The following DNAH7 variants were observed in gnomAD, a reference collection of about 807,000 sequenced individuals.
DNAH7 encodes the protein axonemal beta dynein heavy chain 7.
Under a neutral mutation model 444.6 loss-of-function variants are expected in DNAH7, and 397 were observed. The ratio of observed to expected loss-of-function variants is 0.89; its 90% CI spans 0.82 to 0.97. The LOEUF is 0.97. Among genes scored for constraint, DNAH7 ranks in the 50% least tolerant of loss-of-function variants. The pLI, the probability that DNAH7 is intolerant of heterozygous loss-of-function variation, is 0.00. For missense variants in DNAH7, 4,902 were observed against 4,800.8 expected, an observed-to-expected ratio of 1.02 and a Z score of -0.62; for synonymous variants, 1,636 against 1,624.4, an observed-to-expected ratio of 1.01 and a Z score of -0.17.
chr2:196,032,175 C>T (rs1037957676), intron 5 of DNAH7, among the ~76,000 whole-genome samples: 1 of 152,130 alleles, frequency 6.6e-6, no homozygotes, highest in Non-Finnish European at 1.5e-5. Flanking sequence ...TTCCCCTTAT[C>T]AAACCATCAG....
intron 3 of DNAH7, among the ~76,000 whole-genome samples, chr2:196,049,675 G>T (rs1174307245): frequency 6.6e-6 from 1 of 152,164 alleles, no homozygotes; most frequent in Non-Finnish European, 1.5e-5. Context: ...CTCAAAGAAT[G>T]CTGAGGAAAA....
chr2:195,739,727 C>G (rs1692877740), intron 64 of DNAH7, among the ~76,000 whole-genome samples: 1 of 152,202 alleles, frequency 6.6e-6, no homozygotes, highest in Admixed American at 6.5e-5. Flanking sequence ...AAGTTTATTT[C>G]TAATCCTAAA....
intron 58 of DNAH7, 85 bp downstream of exon 58, chr2:195,786,925 A>G (rs1685944780): frequency 7.3e-7 from 1 of 1,365,422 alleles, no homozygotes; most frequent in African/African-American, 1.5e-5. Context: ...GTAGAAATTA[A>G]TCAGAAGTGC....
intron 64 of DNAH7, 102 bp from the exon 65 acceptor site, chr2:195,738,229 G>T: frequency 3.0e-6 from 3 of 998,498 alleles, no homozygotes; most frequent in Non-Finnish European, 3.0e-6. Context: ...TATGCATGCA[G>T]ATTTCTGTGG....
chr2:195,737,756 A>T lies in DNAH7; in HGVS notation c.*165T>A. On this transcript the variant is annotated 3_prime_UTR_variant, in exon 65 of 65. Transcript: ENST00000312428. ...TCAGAACATTTCCTTACATTTAAGT[A>T]TGAGTCATATTAAGTTTAGCTGCAT... 1.7e-6 allele frequency: 1 copy of T among 602,646 alleles called. No individual in the cohort carries two copies. Among genetic ancestry groups the T allele is most frequent in the South Asian group, 2.1e-5 (1 of 47,574 alleles). 37.3% of individuals were successfully genotyped at this position (602,646 alleles called of 1,614,324 possible).
chr2:196,018,253 T>C (rs1695147746), intron 9 of DNAH7, among the ~76,000 whole-genome samples: 1 of 152,130 alleles, frequency 6.6e-6, no homozygotes, highest in African/African-American at 2.4e-5. Context: ...GCATTTTACA[T>C]TGATTGACAA....
intron 57 of DNAH7, among the ~76,000 whole-genome samples, chr2:195,791,273 C>T (rs557855776): frequency 5.9e-5 from 9 of 151,748 alleles, no homozygotes; most frequent in Non-Finnish European, 1.2e-4. Context: ...CGAGACCATC[C>T]TGGCTAACAC....
chr2:195,847,018 A>G (rs116099022), intron 46 of DNAH7, among the ~76,000 whole-genome samples: 2,219 of 145,838 alleles, frequency 0.015, 63 homozygotes, highest in African/African-American at 0.055. Flanking sequence ...GAATCCTATT[A>G]GTTCTGTCCC....
At position 195,960,621 on chromosome 2, in the gene DNAH7, T is replaced by C. The variant is rs767587161; in HGVS notation, c.2530A>G (p.Ile844Val). The stretch of plus-strand genomic sequence containing the variant: ...CTGGGGCGCAAACCAGGATTACAGA[T>C]CACTTGAATGAGAGGAATGTGCTGC... ...FKQHIPLIQV[I>V]CNPGLRPRHW... Residue 844 changes from isoleucine (I) to valine (V), a missense_variant, in exon 18 of 65, where the codon ATC (isoleucine) becomes GTC (valine). Transcript: ENST00000312428. 1 of 1,614,226 alleles carries C rather than the reference T, an allele frequency of 6.2e-7. No homozygotes were observed. The highest frequency in any genetic ancestry group is 8.5e-7 in the Non-Finnish European group (1 of 1,180,034).
intron 19 of DNAH7, among the ~76,000 whole-genome samples, chr2:195,939,641 T>G (rs1003246019): frequency 6.6e-6 from 1 of 152,174 alleles, no homozygotes; most frequent in East Asian, 1.9e-4. Flanking sequence ...TTAATTGTCA[T>G]TTTTTTGGTT....
intron 12 of DNAH7, chr2:195,994,422 T>C (rs750274621): frequency 1.4e-6 from 1 of 705,074 alleles, no homozygotes; most frequent in Non-Finnish European, 2.4e-6. Flanking sequence ...CTCAGTCTGC[T>C]GTAAAAAGTT....
intron 4 of DNAH7, 110 bp from the exon 5 acceptor site, chr2:196,047,609 TATC>T (rs1697218026): frequency 2.1e-6 from 2 of 947,684 alleles, no homozygotes; most frequent in Non-Finnish European, 2.9e-6. Flanking sequence ...AAAATTACAT[TATC>T]AAGTAATCCT....
Position 195,744,105 on chromosome 2 carries a change from C to G in DNAH7, c.11765-3236G>C, listed in dbSNP as rs371679807. Among the ~76,000 whole-genome samples, 6 of 152,236 alleles carry G rather than the reference C, an allele frequency of 3.9e-5. No homozygotes were observed. The East Asian group carries it at 7.7e-4, about 20-fold the overall frequency. On this transcript the variant is annotated intron_variant, in intron 63 of 64. Coordinates refer to ENST00000312428, the MANE Select transcript of DNAH7 (RefSeq NM_018897.3). Reference sequence around the variant, plus strand: ...GCAAGGGGTCAGGGAGTTCCCTTTCCTAGTCAAAGAAAGGGGTGACAGACA... The same window carrying G: ...GCAAGGGGTCAGGGAGTTCCCTTTCGTAGTCAAAGAAAGGGGTGACAGACA...
intron 63 of DNAH7, among the ~76,000 whole-genome samples, chr2:195,745,402 G>T (rs945096472): frequency 6.6e-6 from 1 of 152,214 alleles, no homozygotes; most frequent in East Asian, 1.9e-4. Flanking sequence ...AAGTGACGAG[G>T]AGAATGGAAC....
intron 19 of DNAH7, among the ~76,000 whole-genome samples, chr2:195,940,402 C>T (rs1689345157): frequency 6.6e-6 from 1 of 152,148 alleles, no homozygotes; most frequent in South Asian, 2.1e-4. Context: ...AATTGTAAAA[C>T]TTAAAACCAT....
chr2:195,795,504 G>T (rs1012910070), intron 56 of DNAH7, among the ~76,000 whole-genome samples: 4 of 152,300 alleles, frequency 2.6e-5, no homozygotes, highest in African/African-American at 9.6e-5. Context: ...CTATGATGAC[G>T]TATACTCTTG....
chr2:195,937,960 T>A (rs1689163806), intron 19 of DNAH7, among the ~76,000 whole-genome samples: 6 of 152,124 alleles, frequency 3.9e-5, no homozygotes, highest in Non-Finnish European at 8.8e-5. Flanking sequence ...GAGAATATTG[T>A]TAAAAACTAA....
intron 49 of DNAH7, among the ~76,000 whole-genome samples, chr2:195,821,226 T>A (rs1697454331): frequency 6.6e-6 from 1 of 152,218 alleles, no homozygotes; most frequent in Non-Finnish European, 1.5e-5. Context: ...ATGACTTTTT[T>A]AAAGCACCTT....
At chr2:195,835,733 A>G (rs548015230) in intron 47 of DNAH7, among the ~76,000 whole-genome samples, 1 of 152,218 alleles carries the variant, frequency 6.6e-6, no homozygotes, top group South Asian at 2.1e-4. Flanking sequence ...AATCCCAGCT[A>G]CTCAAGAGGC....
Sources: gnomAD v4.1 joint callset for allele counts (sites outside exome capture counted in the v4.1 genomes callset) on GRCh38, gnomAD v4.1.1 for gene constraint, MANE v1.5 for transcripts, NCBI Gene and HGNC (gene_info 2026-07-23, HGNC 2026-07-21) for gene names.